CDKN3: variants seen among roughly 807,000 people sequenced by gnomAD.
CDKN3 encodes cyclin-dependent kinase inhibitor 3.
In CDKN3, 19 loss-of-function variants were observed where a neutral mutation model predicts 36.1. The observed-to-expected ratio is 0.53, with a 90% confidence interval of 0.37 to 0.77. The LOEUF is 0.77. Ranked by LOEUF, CDKN3 falls within the 30% of genes least tolerant of loss-of-function variation. The probability of loss-of-function intolerance (pLI) is 0.00; values close to 1 mark genes in which losing one functional copy is unlikely to be tolerated. For synonymous variants in CDKN3, 71 were observed against 85.3 expected, an observed-to-expected ratio of 0.83 and a Z score of 0.92; for missense variants, 188 against 248.6, an observed-to-expected ratio of 0.76 and a Z score of 1.64.
chr14:54,417,882 A>G lies in CDKN3; in HGVS notation c.483A>G (p.Thr161=), dbSNP rs1200441567. The part of the protein sequence containing the change: ...AACLLLYLSD[T]ISPEQAIDSL... ...GTCTCCTACTATACCTGTCTGACAC[A>G]ATATCACCAGAGCAAGCCATAGACA... The change falls in exon 7 of 8, where the codon ACA becomes ACG. Residue 161 remains threonine (T), a synonymous_variant. Transcript: ENST00000335183. The G allele has an allele frequency of 6.3e-7, 1 of 1,598,654 alleles. No homozygotes were observed. Among genetic ancestry groups the G allele is most frequent in the Admixed American group, 1.7e-5 (1 of 57,550 alleles).
At chr14:54,397,129 G>A in intron 1 of CDKN3, 52 bp downstream of exon 1, 1 of 1,439,522 alleles carries the variant, frequency 6.9e-7, no homozygotes, top group Non-Finnish European at 9.2e-7. Flanking sequence ...GGACGCAAGC[G>A]GTCCCGGGGA....
chr14:54,406,215 T>A (rs1258381175), intron 3 of CDKN3, among the ~76,000 whole-genome samples: 1 of 152,268 alleles, frequency 6.6e-6, no homozygotes, highest in Non-Finnish European at 1.5e-5. Context: ...ATGCTGTTAA[T>A]CTGATGGGCT....
chr14:54,399,825 C>G, intron 1 of CDKN3, 69 bp from the exon 2 acceptor site: 1 of 787,790 alleles, frequency 1.3e-6, no homozygotes, highest in East Asian at 2.4e-5. Context: ...TGTGTTTAGA[C>G]AAGGATTAGC....
chr14:54,409,278 A>G (rs4251630), intron 4 of CDKN3, among the ~76,000 whole-genome samples: 2,136 of 152,258 alleles, frequency 0.014, 52 homozygotes, highest in African/African-American at 0.048. Flanking sequence ...TGTTCATACC[A>G]TTATAGCCAC....
chr14:54,402,942 T>C (rs1333778006), intron 3 of CDKN3, among the ~76,000 whole-genome samples: 1 of 152,192 alleles, frequency 6.6e-6, no homozygotes, highest in Non-Finnish European at 1.5e-5. Flanking sequence ...ATGCTGTTTT[T>C]GTTACTATAG....
At chr14:54,408,843 G>A in intron 4 of CDKN3, 54 bp downstream of exon 4, 1 of 1,484,982 alleles carries the variant, frequency 6.7e-7, no homozygotes, top group Admixed American at 2.7e-5. Context: ...GAATAGCATT[G>A]AAAAACTCTC....
rs750549815 is a variant in CDKN3 at position 54,411,608 on chromosome 14, T to C, written c.318T>C (p.His106=). 7 of 1,613,680 alleles carry C rather than the reference T, an allele frequency of 4.3e-6. No homozygotes were observed. In the South Asian group the frequency reaches 5.5e-5, roughly 13 times the overall value. ...AATGTGGAATTATCACCCATCATCA[T>C]CCAATCGCAGATGGAGGGACTCCTG... ...YQQCGIITHH[H]PIADGGTPDI... Residue 106 remains histidine (H), a synonymous_variant, in exon 5 of 8, where the codon CAT becomes CAC. Transcript: ENST00000335183.
At chr14:54,410,264 C>G (rs372688538) in intron 4 of CDKN3, among the ~76,000 whole-genome samples, 6 of 152,034 alleles carry the variant, frequency 3.9e-5, no homozygotes, top group African/African-American at 1.4e-4. Flanking sequence ...CTTTCTTAGC[C>G]CTTTCTCAGA....
chr14:54,414,599 G>A (rs146728134), intron 5 of CDKN3, among the ~76,000 whole-genome samples: 4 of 150,558 alleles, frequency 2.7e-5, no homozygotes, highest in African/African-American at 9.8e-5. Context: ...AGGCTGGAGT[G>A]CAGTGGCACT....
At position 54,417,966 on chromosome 14, in the gene CDKN3, G is replaced by A. The variant is rs887932746; in HGVS notation, c.552+15G>A. On this transcript the variant is annotated intron_variant, in intron 7 of 7. Coordinates refer to ENST00000335183, the MANE Select transcript of CDKN3 (RefSeq NM_005192.4). ...AGACCATCAAGGTGAGGAGGTGGGC[G>A]GTGCTTGCTTGGTTGTGGTTGGGGT... The A allele has an allele frequency of 4.1e-6, 6 of 1,463,750 alleles. No individual in the cohort carries two copies. The highest frequency in any genetic ancestry group is 5.7e-6 in the Non-Finnish European group (6 of 1,060,620). The allele number at this position is 1,463,750 out of a possible 1,614,324, so 90.7% of individuals were successfully genotyped here.
intron 3 of CDKN3, among the ~76,000 whole-genome samples, chr14:54,405,858 G>A (rs1222468806): frequency 6.6e-6 from 1 of 152,210 alleles, no homozygotes; most frequent in Non-Finnish European, 1.5e-5. Flanking sequence ...ATATTGTTAT[G>A]TGTGAATTTT....
chr14:54,401,345 T>G (rs2029933173), intron 2 of CDKN3, among the ~76,000 whole-genome samples, 179 bp from the exon 3 acceptor site: 1 of 152,216 alleles, frequency 6.6e-6, no homozygotes, highest in Admixed American at 6.5e-5. Context: ...ACTTTGTCTT[T>G]CTATGTTTTT....
intron 5 of CDKN3, among the ~76,000 whole-genome samples, 165 bp from the exon 6 acceptor site, chr14:54,415,734 C>G (rs1457804975): frequency 6.6e-6 from 1 of 152,204 alleles, no homozygotes; most frequent in Admixed American, 6.5e-5. Context: ...GAAATAAGCA[C>G]ACCTTGCTCT....
intron 3 of CDKN3, among the ~76,000 whole-genome samples, chr14:54,407,930 G>A (rs4251620): frequency 0.01 from 1,528 of 152,274 alleles, 66 homozygotes; most frequent in East Asian, 0.085. Flanking sequence ...TTCTGCATTG[G>A]TCTTGCTGGG....
chr14:54,399,628 G>A (rs191316642), intron 1 of CDKN3, among the ~76,000 whole-genome samples: 1 of 152,326 alleles, frequency 6.6e-6, no homozygotes, highest in Non-Finnish European at 1.5e-5. Flanking sequence ...TTGTCAGAGA[G>A]TATACAGTAA....
chr14:54,416,296 AAATGTTTT>A (rs1276679117), intron 6 of CDKN3, among the ~76,000 whole-genome samples: 1 of 152,228 alleles, frequency 6.6e-6, no homozygotes, highest in Admixed American at 6.5e-5. Context: ...TTAATTTAAA[AAATGTTTT>A]AATGTACTAA....
chr14:54,414,015 T>A, intron 5 of CDKN3: 1 of 209,970 alleles, frequency 4.8e-6, no homozygotes, highest in Non-Finnish European at 9.3e-6. Flanking sequence ...CATCAATCCA[T>A]GGCAGGCCTT....
At chr14:54,419,157 C>CA (rs770520508) in intron 7 of CDKN3, among the ~76,000 whole-genome samples, 3,980 of 124,842 alleles carry the variant, frequency 0.032, 118 homozygotes, top group African/African-American at 0.091. Context: ...GACCCTGTCT[C>CA]AAAAAAAAAA....
intron 5 of CDKN3, among the ~76,000 whole-genome samples, chr14:54,412,057 C>A (rs994689830): frequency 6.6e-6 from 1 of 152,150 alleles, no homozygotes; most frequent in African/African-American, 2.4e-5. Flanking sequence ...ATTAGCTTTT[C>A]AATTGCTTAG....
Sources: gnomAD v4.1 joint callset for allele counts (sites outside exome capture counted in the v4.1 genomes callset) on GRCh38, gnomAD v4.1.1 for gene constraint, MANE v1.5 for transcripts, NCBI Gene and HGNC (gene_info 2026-07-23, HGNC 2026-07-21) for gene names.